Variants in CSMD1 observed in about 807,000 individuals in gnomAD.
CSMD1 encodes the protein CUB and Sushi multiple domains 1, also known as CUB and sushi domain-containing protein 1.
A neutral mutation model predicts 417.5 loss-of-function variants in CSMD1; 213 were observed. The ratio of observed to expected loss-of-function variants is 0.51; its 90% confidence interval spans 0.46 to 0.57. The LOEUF (loss-of-function observed/expected upper bound fraction) is 0.57, where lower values mean the gene tolerates loss of function less well. CSMD1 is among the 20% of genes least tolerant of loss of function. CSMD1 has a pLI of 0.00. For synonymous variants in CSMD1, 2,862 were observed against 1,736.8 expected (o/e 1.65, Z -16.11); for missense variants, 6,923 against 4,529.7 (o/e 1.53, Z -15.17).
intron 43 of CSMD1, 139 bp from the exon 44 acceptor site, chr8:3,108,887 T>C: frequency 2.3e-6 from 2 of 854,068 alleles, no homozygotes; most frequent in Non-Finnish European, 1.8e-6. Context: ...TTTGTAAACA[T>C]CAAGATGTTG....
chr8:4,696,120 G>A (rs543310566), intron 1 of CSMD1, among the ~76,000 whole-genome samples: 32 of 152,266 alleles, frequency 2.1e-4, no homozygotes, highest in African/African-American at 7.7e-4. Context: ...ATAATGCCTT[G>A]AAGAATTCAG....
At chr8:4,764,537 C>G (rs1047764117) in intron 1 of CSMD1, among the ~76,000 whole-genome samples, 3 of 152,014 alleles carry the variant, frequency 2.0e-5, no homozygotes, top group East Asian at 1.9e-4. Context: ...AAGTGTTCTG[C>G]CCAAATTGGA....
At chr8:3,637,035 C>T (rs571888359) in intron 7 of CSMD1, among the ~76,000 whole-genome samples, 24 of 152,228 alleles carry the variant, frequency 1.6e-4, no homozygotes, top group African/African-American at 3.9e-4. Flanking sequence ...AATAACGATG[C>T]AGAAAGAAAA....
intron 2 of CSMD1, among the ~76,000 whole-genome samples, chr8:4,570,459 C>G (rs1381435030): frequency 6.6e-6 from 1 of 152,176 alleles, no homozygotes; most frequent in Non-Finnish European, 1.5e-5. Context: ...GTATTTTGAG[C>G]TAGCCTTGCA....
intron 7 of CSMD1, among the ~76,000 whole-genome samples, chr8:3,659,049 G>C (rs2117438408): frequency 6.6e-6 from 1 of 152,228 alleles, no homozygotes; most frequent in East Asian, 1.9e-4. Context: ...CGGCGCCATT[G>C]CATCTACTTG....
At chr8:4,398,840 T>C (rs1804449427) in intron 3 of CSMD1, among the ~76,000 whole-genome samples, 1 of 152,354 alleles carries the variant, frequency 6.6e-6, no homozygotes, top group Middle Eastern at 3.4e-3. Flanking sequence ...AAGGTCTTTT[T>C]ATGTCTAATT....
chr8:3,294,107 C>T (rs764305023), intron 25 of CSMD1, among the ~76,000 whole-genome samples: 14 of 152,196 alleles, frequency 9.2e-5, no homozygotes, highest in Admixed American at 2.0e-4. Context: ...ACCCTGTTTG[C>T]CTGGGTATCA....
intron 55 of CSMD1, 32 bp downstream of exon 55, chr8:2,978,580 C>A (rs615578): frequency 6.5e-7 from 1 of 1,538,750 alleles, no homozygotes; most frequent in South Asian, 1.2e-5. Context: ...GCAGGGGTCT[C>A]TGCACAGAAA....
chr8:3,225,085 C>T (rs772033207), intron 27 of CSMD1, among the ~76,000 whole-genome samples: 10 of 152,088 alleles, frequency 6.6e-5, no homozygotes, highest in Non-Finnish European at 1.5e-4. Context: ...GATTTTTCCC[C>T]TATACAAAAA....
chr8:3,247,332 G>A (rs549395417), intron 26 of CSMD1, among the ~76,000 whole-genome samples: 4 of 152,272 alleles, frequency 2.6e-5, no homozygotes, highest in Non-Finnish European at 5.9e-5. Context: ...GACTCCTCCT[G>A]CTCCTGGCCC....
At chr8:3,146,225 C>T (rs1818836232) in intron 40 of CSMD1, among the ~76,000 whole-genome samples, 1 of 152,100 alleles carries the variant, frequency 6.6e-6, no homozygotes, top group Non-Finnish European at 1.5e-5. Context: ...AGCTTCATTG[C>T]ATTTCTGTTA....
chr8:4,912,139 A>G (rs1805725302), intron 1 of CSMD1, among the ~76,000 whole-genome samples: 1 of 99,556 alleles, frequency 1.0e-5, no homozygotes, highest in Admixed American at 1.2e-4. Context: ...AAAAAAAAAA[A>G]AAGAAAGAAA....
intron 26 of CSMD1, among the ~76,000 whole-genome samples, chr8:3,256,135 C>G (rs535842074): frequency 5.3e-5 from 8 of 152,032 alleles, no homozygotes; most frequent in Admixed American, 2.6e-4. Context: ...CCAGACCAGC[C>G]TGGCCAACAT....
chr8:3,485,612 G>C lies in CSMD1; in HGVS notation c.1448+8011C>G, dbSNP rs948287808. ...ATACAAATAAAACAGGAAATTAAAT[G>C]AGCTGGGTGTGGTGGCGCATGCTGG... is the stretch of plus-strand genomic sequence containing the variant. On this transcript the variant is annotated intron_variant, in intron 11 of 69. Coordinates refer to ENST00000635120, the MANE Select transcript of CSMD1 (RefSeq NM_033225.6). Among the ~76,000 whole-genome samples, 10 of 151,038 alleles carry C rather than the reference G, an allele frequency of 6.6e-5. No homozygotes were observed. The East Asian group carries it at 1.4e-3, about 21-fold the overall frequency.
chr8:4,433,344 T>A (rs1483822085), intron 2 of CSMD1, among the ~76,000 whole-genome samples: 1 of 152,170 alleles, frequency 6.6e-6, no homozygotes, highest in Non-Finnish European at 1.5e-5. Flanking sequence ...GGTTGGGGAC[T>A]GCTATTATAT....
At chr8:3,968,697 A>G (rs935498883) in intron 5 of CSMD1, among the ~76,000 whole-genome samples, 1 of 152,136 alleles carries the variant, frequency 6.6e-6, no homozygotes, top group Non-Finnish European at 1.5e-5. Context: ...GCTTGCTCTT[A>G]CTACAGGGTC....
intron 4 of CSMD1, among the ~76,000 whole-genome samples, chr8:4,014,455 G>C (rs192551226): frequency 6.6e-6 from 1 of 152,256 alleles, no homozygotes; most frequent in Non-Finnish European, 1.5e-5. Flanking sequence ...TGTGACTTCA[G>C]CCTCTAAGAA....
At chr8:3,770,647 G>C (rs754560883) in intron 5 of CSMD1, among the ~76,000 whole-genome samples, 1 of 152,186 alleles carries the variant, frequency 6.6e-6, no homozygotes, top group East Asian at 1.9e-4. Flanking sequence ...ATTGTTTTTA[G>C]TGCTTTTTCC....
At chr8:4,823,868 G>C (rs1301137093) in intron 1 of CSMD1, among the ~76,000 whole-genome samples, 1 of 151,878 alleles carries the variant, frequency 6.6e-6, no homozygotes, top group East Asian at 1.9e-4. Flanking sequence ...TAAAAGGAAG[G>C]CTTAATATTG....
Sources: gnomAD v4.1 joint callset for allele counts (sites outside exome capture counted in the v4.1 genomes callset) on GRCh38, gnomAD v4.1.1 for gene constraint, MANE v1.5 for transcripts, NCBI Gene and HGNC (gene_info 2026-07-23, HGNC 2026-07-21) for gene names.